FBXL2: variants seen among roughly 807,000 people sequenced by gnomAD.
FBXL2 encodes F-box/LRR-repeat protein 2.
FBXL2 carries 38 observed loss-of-function variants against 69.2 expected under a neutral mutation model. The ratio of observed to expected loss-of-function variants is 0.55; its 90% CI spans 0.42 to 0.72. FBXL2 has a LOEUF of 0.72. Ranked by LOEUF, FBXL2 falls within the 30% of genes least tolerant of loss-of-function variation. The pLI, the probability that FBXL2 is intolerant of heterozygous loss-of-function variation, is 0.00. For missense variants in FBXL2, 354 were observed against 520.3 expected (o/e 0.68, Z 3.11); for synonymous variants, 192 against 201.3 (o/e 0.95, Z 0.39).
At chr3:33,326,091 A>G (rs1306640190) in intron 2 of FBXL2, among the ~76,000 whole-genome samples, 3 of 152,204 alleles carry the variant, frequency 2.0e-5, no homozygotes, top group African/African-American at 7.2e-5. Flanking sequence ...ACAAAAGTAC[A>G]TAAGGAAAAA....
At chr3:33,370,959 C>G (rs1414129176) in intron 5 of FBXL2, among the ~76,000 whole-genome samples, 1 of 151,370 alleles carries the variant, frequency 6.6e-6, no homozygotes, top group Non-Finnish European at 1.5e-5. Flanking sequence ...CTCTGTCTCT[C>G]TTATTTAGTG....
At chr3:33,396,614 G>T in intron 12 of FBXL2, 3 of 402,018 alleles carry the variant, frequency 7.5e-6, no homozygotes, top group Non-Finnish European at 1.4e-5. Context: ...AAAGAGCAAT[G>T]ATAGTAAATG....
At chr3:33,348,565 G>C (rs1361849983) in intron 2 of FBXL2, among the ~76,000 whole-genome samples, 1 of 152,096 alleles carries the variant, frequency 6.6e-6, no homozygotes, top group South Asian at 2.1e-4. Flanking sequence ...TTCATATTTT[G>C]ATAGGGATTG....
At chr3:33,314,290 A>ATT (rs1307138625) in intron 2 of FBXL2, among the ~76,000 whole-genome samples, 13 of 152,290 alleles carry the variant, frequency 8.5e-5, no homozygotes, top group Admixed American at 1.3e-4. Context: ...CTTATAACTG[A>ATT]AAGTTTGTAC....
chr3:33,296,025 A>G (rs1482222890), intron 1 of FBXL2, among the ~76,000 whole-genome samples: 2 of 151,586 alleles, frequency 1.3e-5, no homozygotes, highest in Non-Finnish European at 2.9e-5. Context: ...TTTTTCCTAC[A>G]CTTTCTTGAT....
intron 2 of FBXL2, among the ~76,000 whole-genome samples, chr3:33,322,393 A>G (rs2038314096): frequency 6.6e-6 from 1 of 152,144 alleles, no homozygotes; most frequent in African/African-American, 2.4e-5. Context: ...GGTGATGTTT[A>G]TAAAAATGTT....
downstream of FBXL2, chr3:33,390,261 T>A: frequency 6.8e-7 from 1 of 1,474,012 alleles, no homozygotes; most frequent in Admixed American, 1.8e-5. Flanking sequence ...CAAGACTTCT[T>A]GGATTCAGTC....
At chr3:33,278,830 TAA>T (rs1559476261) in intron 1 of FBXL2, among the ~76,000 whole-genome samples, 1 of 152,234 alleles carries the variant, frequency 6.6e-6, no homozygotes, top group East Asian at 1.9e-4. Context: ...TATGAAGATA[TAA>T]GTGTTTCAAA....
intron 13 of FBXL2, among the ~76,000 whole-genome samples, chr3:33,380,939 A>G (rs866307652): frequency 2.0e-5 from 3 of 152,186 alleles, no homozygotes; most frequent in Admixed American, 2.0e-4. Context: ...TTGAGCCACA[A>G]TGCTGTCATC....
intron 1 of FBXL2, among the ~76,000 whole-genome samples, chr3:33,279,016 C>T (rs562224995): frequency 6.6e-6 from 1 of 152,290 alleles, no homozygotes; most frequent in South Asian, 2.1e-4. Flanking sequence ...TGACCCACAG[C>T]CCACCCTCAT....
intron 2 of FBXL2, among the ~76,000 whole-genome samples, chr3:33,328,800 C>CGTGT (rs1307108395): frequency 1.2e-3 from 146 of 125,304 alleles, no homozygotes; most frequent in Non-Finnish European, 2.0e-3. Context: ...TGTGTGTGTG[C>CGTGT]ATGTGTGTGT....
chr3:33,404,840 G>A (rs2044374269), downstream of FBXL2, among the ~76,000 whole-genome samples: 2 of 152,030 alleles, frequency 1.3e-5, no homozygotes, highest in South Asian at 4.1e-4. Context: ...AGGACTTCCA[G>A]GACCTGAATG....
At chr3:33,300,063 A>G (rs2036129906) in intron 2 of FBXL2, among the ~76,000 whole-genome samples, 1 of 152,118 alleles carries the variant, frequency 6.6e-6, no homozygotes. Flanking sequence ...TAATCTAAAT[A>G]TGGTATTCTT....
intron 2 of FBXL2, among the ~76,000 whole-genome samples, chr3:33,332,864 G>A (rs183035269): frequency 1.5e-4 from 23 of 152,244 alleles, no homozygotes; most frequent in African/African-American, 2.2e-4. Flanking sequence ...GCAAAACATC[G>A]TTATGCAATG....
chr3:33,304,323 T>C (rs546656578), intron 2 of FBXL2, among the ~76,000 whole-genome samples: 2 of 152,252 alleles, frequency 1.3e-5, no homozygotes, highest in East Asian at 3.9e-4. Flanking sequence ...TATGATTTCT[T>C]GCTTCTTAAA....
intron 2 of FBXL2, among the ~76,000 whole-genome samples, chr3:33,337,259 A>T (rs1328252950): frequency 6.6e-6 from 1 of 152,106 alleles, no homozygotes; most frequent in Non-Finnish European, 1.5e-5. Flanking sequence ...GACAGAGAAG[A>T]CATCCTATCC....
At chr3:33,396,624 G>C (rs1337903188) in intron 12 of FBXL2, 4 of 402,416 alleles carry the variant, frequency 9.9e-6, no homozygotes, top group Non-Finnish European at 1.9e-5. Context: ...GATAGTAAAT[G>C]GTTCTTACAA....
chr3:33,388,966 T>A (rs17030552), downstream of FBXL2: 1 of 152,054 alleles, frequency 6.6e-6, no homozygotes, highest in African/African-American at 2.4e-5. Context: ...CACCTGGGTA[T>A]ATGGACAAAG....
downstream of FBXL2, among the ~76,000 whole-genome samples, chr3:33,404,475 A>C (rs1216662901): frequency 7.1e-6 from 1 of 141,694 alleles, no homozygotes; most frequent in Non-Finnish European, 1.5e-5. Context: ...CAAGCTAAAG[A>C]TAATAGGATT....
Sources: gnomAD v4.1 joint callset for allele counts (sites outside exome capture counted in the v4.1 genomes callset) on GRCh38, gnomAD v4.1.1 for gene constraint, MANE v1.5 for transcripts, NCBI Gene and HGNC (gene_info 2026-07-23, HGNC 2026-07-21) for gene names.